The following LPA variants were observed in gnomAD, a reference collection of about 807,000 sequenced individuals.
LPA encodes the protein apolipoprotein(a).
In LPA, 199 loss-of-function variants were observed where a neutral mutation model predicts 197.9. The ratio of observed to expected loss-of-function variants is 1.01; its 90% CI spans 0.90 to 1.13. The LOEUF (loss-of-function observed/expected upper bound fraction) is 1.13. LPA is among the 50% of genes most tolerant of loss of function. The pLI is 0.00. For synonymous variants in LPA, 715 were observed against 639.5 expected (o/e 1.12, Z -1.78); for missense variants, 1,853 against 1,785.8 (o/e 1.04, Z -0.68).
chr6:160,653,788 C>T (rs1040171317), intron 1 of LPA, among the ~76,000 whole-genome samples: 6 of 147,632 alleles, frequency 4.1e-5, no homozygotes, highest in African/African-American at 1.0e-4. Flanking sequence ...TCCAAGAGTA[C>T]ATCAAAAAGC....
chr6:160,647,058 A>G (rs1779899205), intron 2 of LPA, among the ~76,000 whole-genome samples: 2 of 152,204 alleles, frequency 1.3e-5, no homozygotes, highest in South Asian at 2.1e-4. Context: ...CTGCCCTGGA[A>G]AACTTGCTCC....
chr6:160,656,475 G>C (rs116567052), intron 1 of LPA, among the ~76,000 whole-genome samples: 110 of 152,268 alleles, frequency 7.2e-4, no homozygotes, highest in African/African-American at 2.4e-3. Flanking sequence ...AGTCAGAAAT[G>C]AGCTAAAACT....
rs371978511 is a variant in LPA, at chr6:160,547,805, G to A, written c.5288C>T (p.Ala1763Val). The A allele has an allele frequency of 1.2e-6, 2 of 1,613,954 alleles. No individual in the cohort carries two copies. Among genetic ancestry groups the A allele is most frequent in the Non-Finnish European group, 1.7e-6 (2 of 1,179,986 alleles). The change falls in exon 32 of 39, where the codon GCA becomes GTA. Residue 1763 changes from alanine (A) to valine (V), a missense_variant. This residue lies in a region of LPA where 1,737 missense variants were observed against 1,504.4 expected (regional missense o/e 1.15). Transcript: ENST00000316300. Reference sequence around the variant, plus strand: ...GTGGCTTACATTTTTTTCCAGACCTGCCCATTTATTTGTCCCTGGAATGAA... The same window carrying A: ...GTGGCTTACATTTTTTTCCAGACCTACCCATTTATTTGTCCCTGGAATGAA... ...STFIPGTNKW[A>V]GLEKNYCRNP...
intron 28 of LPA, among the ~76,000 whole-genome samples, chr6:160,565,735 C>T (rs962764771): frequency 1.3e-5 from 2 of 152,100 alleles, no homozygotes; most frequent in Non-Finnish European, 2.9e-5. Context: ...TTTCTCCGAG[C>T]TAAAGAAGGA....
At chr6:160,602,755 C>T (rs1244662934) in intron 18 of LPA, among the ~76,000 whole-genome samples, 3 of 152,164 alleles carry the variant, frequency 2.0e-5, no homozygotes, top group Admixed American at 1.3e-4. Context: ...ATCTTCAAGG[C>T]ATTTTATTGC....
chr6:160,600,840 G>C lies in LPA; in HGVS notation c.3127+77C>G, dbSNP rs964483340. On this transcript the variant is annotated intron_variant, in intron 19 of 38. Coordinates refer to ENST00000316300, the MANE Select transcript of LPA (RefSeq NM_005577.4). ...CACGAGAACCAGTGTAGCACTGAAGGGTTGTGCGTCAGTGGGGGTATCCAT... is the reference window on the plus strand; with the variant it reads ...CACGAGAACCAGTGTAGCACTGAAGCGTTGTGCGTCAGTGGGGGTATCCAT... 3.9e-5 allele frequency: 57 copies of C among 1,466,596 alleles called. No homozygotes were observed. In the East Asian group the frequency reaches 8.7e-4, roughly 22 times the overall value. The allele number at this position is 1,466,596 out of a possible 1,614,324, so 90.8% of individuals were successfully genotyped here.
At chr6:160,532,687 C>T in intron 37 of LPA, 38 bp from the exon 38 acceptor site, 2 of 1,353,636 alleles carry the variant, frequency 1.5e-6, no homozygotes, top group Non-Finnish European at 2.1e-6. Context: ...TTACTGAGGC[C>T]AAAGCTTGTT....
rs1403307887 is a variant in LPA at position 160,594,106 on chromosome 6, G to T, written c.3481C>A (p.Gln1161Lys). 8 of 1,613,732 alleles carry T rather than the reference G, an allele frequency of 5.0e-6. No individual in the cohort carries two copies. In the African/African-American group the frequency reaches 1.1e-4, roughly 22 times the overall value. ...EASSEEAPTEQSPGVQDCYHG... is the reference protein window; with the variant it reads ...EASSEEAPTEKSPGVQDCYHG... ...TAGCAATCCTGGACCCCGGGGCTTT[G>T]CTCCGTTGGTGCTGAAATTCAAAGA... Residue 1161 changes from glutamine to lysine, a missense_variant, in exon 22 of 39, where the codon CAA becomes AAA. Gln to Lys is a moderately conservative substitution (Grantham distance 53, BLOSUM62 1). Coordinates refer to ENST00000316300, the MANE Select transcript of LPA (RefSeq NM_005577.4).
intron 2 of LPA, among the ~76,000 whole-genome samples, chr6:160,647,702 C>T (rs1250553929): frequency 6.6e-6 from 1 of 152,188 alleles, no homozygotes; most frequent in Non-Finnish European, 1.5e-5. Flanking sequence ...TACATACTAT[C>T]GTGCATGAGG....
chr6:160,608,439 C>T (rs113291404), intron 16 of LPA, among the ~76,000 whole-genome samples: 106 of 152,180 alleles, frequency 7.0e-4, no homozygotes, highest in African/African-American at 2.2e-3. Context: ...GTGTTTTTGA[C>T]GAGAATGCAT....
chr6:160,586,350 C>G, intron 25 of LPA, 99 bp downstream of exon 25: 6 of 1,422,500 alleles, frequency 4.2e-6, no homozygotes, highest in Non-Finnish European at 4.9e-6. Context: ...TCACCTTCGA[C>G]TTCCTGTGCA....
In LPA at chr6:160,605,339, GTTTC is replaced by G. The variant is rs1779325342; in HGVS notation, c.2786-138_2786-135del. 28 of 1,123,790 alleles carry G rather than the reference GTTTC, an allele frequency of 2.5e-5. No individual in the cohort carries two copies. In the South Asian group the frequency reaches 3.4e-4, roughly 14 times the overall value. 69.6% of individuals were successfully genotyped at this position (1,123,790 alleles called of 1,614,324 possible). ...GGAGAATATGACAAGTAACATTCTT[GTTTC>G]TTTATTTGTAGGCAGATGGACTTGA... On this transcript the variant is annotated intron_variant, in intron 17 of 38. Coordinates refer to ENST00000316300, the MANE Select transcript of LPA (RefSeq NM_005577.4).
chr6:160,552,329 C>T (rs1778180080), intron 30 of LPA, among the ~76,000 whole-genome samples: 1 of 152,072 alleles, frequency 6.6e-6, no homozygotes, highest in Non-Finnish European at 1.5e-5. Flanking sequence ...TGGGTTTCAT[C>T]CAAAGATCAA....
At position 160,557,535 on chromosome 6, in the gene LPA, A is replaced by G; in HGVS notation, c.4668T>C (p.Ser1556=). Residue 1556 remains serine (S), a synonymous_variant, in exon 29 of 39, where the codon TCT becomes TCC. Transcript: ENST00000316300. The part of the protein sequence containing the change: ...LTENYCRNPD[S]GKQPWCYTTD... ...TTGTGTAACACCAGGGTTGTTTCCC[A>G]GAATCTGGATTCCTGCAGTAGTTCT... 1.2e-6 allele frequency: 2 copies of G among 1,614,136 alleles called. No individual in the cohort carries two copies. Among genetic ancestry groups the G allele is most frequent in the Non-Finnish European group, 1.7e-6 (2 of 1,180,008 alleles).
chr6:160,572,112 C>T (rs538102265), intron 28 of LPA, among the ~76,000 whole-genome samples: 2 of 152,186 alleles, frequency 1.3e-5, no homozygotes, highest in Non-Finnish European at 2.9e-5. Context: ...CTCACGGCTT[C>T]CTTTGGCTAG....
At chr6:160,609,543 T>C (rs534907754) in intron 16 of LPA, among the ~76,000 whole-genome samples, 57 of 152,216 alleles carry the variant, frequency 3.7e-4, no homozygotes, top group African/African-American at 1.3e-3. Context: ...CGAAATTTCC[T>C]ATTTGATCCC....
Position 160,585,205 on chromosome 6 carries a change from G to T in LPA, c.4130C>A (p.Ala1377Glu). 1.2e-6 allele frequency: 2 copies of T among 1,613,632 alleles called. No individual in the cohort carries two copies. Among genetic ancestry groups the T allele is most frequent in the Non-Finnish European group, 1.7e-6 (2 of 1,179,672 alleles). The part of the protein sequence containing the change: ...VPSTELPSEE[A>E]PTENSTGVQD... ...GACCCCAGTGCTGTTTTCAGTTGGT[G>T]CTGAAATTAAAAGAGAAAATCAAGC... is the stretch of plus-strand genomic sequence containing the variant. Residue 1377 changes from alanine to glutamate, a missense_variant and splice_region_variant, in exon 26 of 39, where the codon GCA becomes GAA. Around this residue, in one of 3 missense-constraint regions of LPA, gnomAD observed 1,737 missense variants for 1,504.4 expected, o/e 1.15. Coordinates refer to ENST00000316300, the MANE Select transcript of LPA (RefSeq NM_005577.4).
chr6:160,610,597 G>C (rs979055721), intron 16 of LPA, among the ~76,000 whole-genome samples: 1 of 152,142 alleles, frequency 6.6e-6, no homozygotes, highest in Non-Finnish European at 1.5e-5. Flanking sequence ...GCAGTGTCAT[G>C]TGAGGCCAAC....
At chr6:160,563,608 G>T (rs372213497) in intron 28 of LPA, among the ~76,000 whole-genome samples, 2 of 152,130 alleles carry the variant, frequency 1.3e-5, no homozygotes, top group Admixed American at 6.6e-5. Flanking sequence ...CTGAATTCAC[G>T]TCCTGAATAT....
Sources: allele counts gnomAD v4.1 joint callset (sites outside exome capture counted in the v4.1 genomes callset), GRCh38; gene constraint gnomAD v4.1.1; regional missense constraint gnomAD v4.1.1; transcripts MANE v1.5; gene names NCBI Gene and HGNC (gene_info 2026-07-23, HGNC 2026-07-21).